Variants in PRKD1 observed in about 807,000 individuals in gnomAD.
PRKD1 encodes the protein protein kinase D1, also known as serine/threonine-protein kinase D1.
A neutral mutation model predicts 95.9 loss-of-function variants in PRKD1; 63 were observed. The ratio of observed to expected loss-of-function variants is 0.66; its 90% confidence interval spans 0.54 to 0.81. The LOEUF (loss-of-function observed/expected upper bound fraction) is 0.81. Ranked by LOEUF, PRKD1 falls within the 30% of genes least tolerant of loss-of-function variation. The pLI is 0.00. For missense variants in PRKD1, 1,048 were observed against 1,165.3 expected, an observed-to-expected ratio of 0.90 and a Z score of 1.47; for synonymous variants, 425 against 423.1, an observed-to-expected ratio of 1.00 and a Z score of -0.05.
At chr14:29,835,664 G>A (rs1265015854) in intron 1 of PRKD1, among the ~76,000 whole-genome samples, 1 of 152,116 alleles carries the variant, frequency 6.6e-6, no homozygotes, top group Non-Finnish European at 1.5e-5. Flanking sequence ...TCTGCCTCCT[G>A]GGTTCAAGCG....
chr14:29,602,230 C>T (rs373194318), intron 13 of PRKD1, among the ~76,000 whole-genome samples: 13 of 151,992 alleles, frequency 8.6e-5, no homozygotes, highest in South Asian at 8.3e-4. Context: ...AAGAGATAAG[C>T]GTTAAGGGAG....
At chr14:29,644,108 T>C (rs894447572) in intron 4 of PRKD1, among the ~76,000 whole-genome samples, 4 of 152,208 alleles carry the variant, frequency 2.6e-5, no homozygotes, top group African/African-American at 9.7e-5. Flanking sequence ...ATAGGATTAG[T>C]GGATGAGACG....
intron 1 of PRKD1, among the ~76,000 whole-genome samples, chr14:29,868,067 A>G (rs185224901): frequency 1.8e-4 from 28 of 152,264 alleles, no homozygotes; most frequent in Admixed American, 1.6e-3. Context: ...AAAAGATTAA[A>G]TTGCTCTGCG....
At chr14:29,814,968 C>T (rs1184054630) in intron 1 of PRKD1, among the ~76,000 whole-genome samples, 2 of 152,132 alleles carry the variant, frequency 1.3e-5, no homozygotes, top group Non-Finnish European at 1.5e-5. Flanking sequence ...TGACAGAATG[C>T]ACGTATTAAC....
chr14:29,914,309 T>G (rs1445786658), intron 1 of PRKD1, among the ~76,000 whole-genome samples: 4 of 152,210 alleles, frequency 2.6e-5, no homozygotes, highest in African/African-American at 9.6e-5. Flanking sequence ...AGCTGGTGAT[T>G]GATCATGTAC....
At chr14:29,891,660 T>G (rs951958045) in intron 1 of PRKD1, among the ~76,000 whole-genome samples, 49 of 149,374 alleles carry the variant, frequency 3.3e-4, no homozygotes, top group African/African-American at 1.2e-3. Flanking sequence ...TTTTTGGGGT[T>G]TTTTTTTTTT....
intron 1 of PRKD1, among the ~76,000 whole-genome samples, chr14:29,819,929 G>A (rs185706149): frequency 6.6e-6 from 1 of 152,196 alleles, no homozygotes; most frequent in East Asian, 1.9e-4. Context: ...CAAAAGCAGA[G>A]TCCCTGAAGT....
chr14:29,701,642 T>C (rs1166660351), intron 2 of PRKD1, among the ~76,000 whole-genome samples: 2 of 152,216 alleles, frequency 1.3e-5, no homozygotes, highest in Non-Finnish European at 2.9e-5. Context: ...TGGTAGTCAA[T>C]ACTTTTTCTT....
intron 16 of PRKD1, among the ~76,000 whole-genome samples, chr14:29,589,227 A>G (rs1414574698): frequency 6.6e-6 from 1 of 152,168 alleles, no homozygotes; most frequent in East Asian, 1.9e-4. Context: ...ACGCTAACAA[A>G]TGCTTTCCAA....
At chr14:29,602,368 T>C (rs1893553391) in intron 13 of PRKD1, among the ~76,000 whole-genome samples, 1 of 150,844 alleles carries the variant, frequency 6.6e-6, no homozygotes, top group South Asian at 2.1e-4. Context: ...GACTGGGGAG[T>C]CCTCCTACCT....
chr14:29,831,712 T>C (rs1207787993), intron 1 of PRKD1, among the ~76,000 whole-genome samples: 1 of 152,116 alleles, frequency 6.6e-6, no homozygotes, highest in Non-Finnish European at 1.5e-5. Context: ...TTCAAGTTCT[T>C]ACTCTCTTTT....
intron 1 of PRKD1, among the ~76,000 whole-genome samples, chr14:29,786,580 G>A (rs1889284327): frequency 6.6e-6 from 1 of 152,090 alleles, no homozygotes; most frequent in Admixed American, 6.6e-5. Flanking sequence ...GGCTGTGTGT[G>A]TCCAAGAATT....
chr14:29,723,398 G>T (rs1885991134), intron 2 of PRKD1, among the ~76,000 whole-genome samples: 1 of 152,084 alleles, frequency 6.6e-6, no homozygotes, highest in African/African-American at 2.4e-5. Flanking sequence ...AGGATGCAAG[G>T]AAGACATAAA....
At chr14:29,877,146 A>G (rs1354393501) in intron 1 of PRKD1, among the ~76,000 whole-genome samples, 1 of 152,250 alleles carries the variant, frequency 6.6e-6, no homozygotes, top group South Asian at 2.1e-4. Context: ...AGCAAGACGC[A>G]GTCTCAAAGA....
At chr14:29,695,234 CAAAAA>C (rs34575259) in intron 2 of PRKD1, among the ~76,000 whole-genome samples, 2 of 95,168 alleles carry the variant, frequency 2.1e-5, no homozygotes, top group Admixed American at 1.1e-4. Context: ...AACTCCATCT[CAAAAA>C]AAAAAAAAAA....
intron 16 of PRKD1, among the ~76,000 whole-genome samples, chr14:29,587,726 A>G (rs1232009717): frequency 1.6e-4 from 24 of 152,206 alleles, no homozygotes; most frequent in Non-Finnish European, 5.9e-5. Flanking sequence ...ACATAGGTAT[A>G]TATGTAAAAA....
At chr14:29,804,024 C>T (rs1251569550) in intron 1 of PRKD1, among the ~76,000 whole-genome samples, 1 of 152,006 alleles carries the variant, frequency 6.6e-6, no homozygotes, top group Admixed American at 6.5e-5. Flanking sequence ...GGCGGATCAC[C>T]TGAGGTCAGG....
chr14:29,864,335 A>G lies in PRKD1; in HGVS notation c.264+62914T>C, dbSNP rs566867205. ...AAAAGTCTTAAAGGTTTCCTGAATC[A>G]TGGAATCTCAACTTACCTGCCAATT... On this transcript the variant is annotated intron_variant, in intron 1 of 17. Coordinates refer to ENST00000331968, the MANE Select transcript of PRKD1 (RefSeq NM_002742.3). 7.9e-5 allele frequency among the ~76,000 whole-genome samples: 12 copies of G among 152,220 alleles called. No individual in the cohort carries two copies. In the South Asian group the frequency reaches 2.3e-3, roughly 29 times the overall value.
intron 1 of PRKD1, among the ~76,000 whole-genome samples, chr14:29,772,234 A>T (rs1398896931): frequency 1.3e-5 from 2 of 152,186 alleles, no homozygotes; most frequent in African/African-American, 4.8e-5. Context: ...TCCCTCTAAA[A>T]TTCATATGTT....
Sources: gnomAD v4.1 joint callset for allele counts (sites outside exome capture counted in the v4.1 genomes callset) on GRCh38, gnomAD v4.1.1 for gene constraint, MANE v1.5 for transcripts, NCBI Gene and HGNC (gene_info 2026-07-23, HGNC 2026-07-21) for gene names.